The following FLNC variants were observed in gnomAD, a reference collection of about 807,000 sequenced individuals.
FLNC encodes the protein filamin-C.
A neutral mutation model predicts 254.3 loss-of-function variants in FLNC; 91 were observed. The observed-to-expected ratio is 0.36, with a 90% CI of 0.30 to 0.43. The LOEUF (loss-of-function observed/expected upper bound fraction) is 0.43. Among genes scored for constraint, FLNC ranks in the 20% least tolerant of loss-of-function variants. The pLI, the probability that FLNC is intolerant of heterozygous loss-of-function variation, is 1.00. For missense variants in FLNC, 2,853 were observed against 3,802.6 expected, an observed-to-expected ratio of 0.75 and a Z score of 6.57; for synonymous variants, 1,430 against 1,577.2, an observed-to-expected ratio of 0.91 and a Z score of 2.21.
Position 128,842,997 on chromosome 7 carries a change from G to A in FLNC, c.2550+43G>A, listed in dbSNP as rs772186195. 1.2e-6 allele frequency: 2 copies of A among 1,603,944 alleles called. No homozygotes were observed. Among genetic ancestry groups the A allele is most frequent in the Non-Finnish European group, 1.7e-6 (2 of 1,171,700 alleles). On this transcript the variant is annotated intron_variant, in intron 16 of 47. Coordinates refer to ENST00000325888, the MANE Select transcript of FLNC (RefSeq NM_001458.5). This position sits in a 1 kb window ranked among gnomAD's most constrained non-coding sequence, Gnocchi z 5.4. ...TACTCACAGCGACATGCACCTGCCA[G>A]CTCCAGAAGGCAGCTGGAGATGCTG... is the stretch of plus-strand genomic sequence containing the variant.
At chr7:128,852,483 C>G in intron 35 of FLNC, 108 bp from the exon 36 acceptor site, 1 of 1,309,038 alleles carries the variant, frequency 7.6e-7, no homozygotes, top group Non-Finnish European at 1.1e-6. Context: ...GGAGTGGCCC[C>G]CCGTGTCTGT....
Position 128,830,976 on chromosome 7 carries a change from G to A in FLNC, c.339G>A (p.Lys113=). The change falls in exon 1 of 48, where the codon AAG becomes AAA. Residue 113 remains lysine (K), a synonymous_variant. Transcript: ENST00000325888. The stretch of plus-strand genomic sequence containing the variant: ...AGTTCCTCGAGCGCGAGCACATCAA[G>A]CTCGTGTCCATAGGTCAGTGCCGGG... The part of the protein sequence containing the change: ...ALEFLEREHI[K]LVSIDSKAIV... 6.2e-7 allele frequency: 1 copy of A among 1,608,312 alleles called. No homozygotes were observed. Among genetic ancestry groups the A allele is most frequent in the Non-Finnish European group, 8.5e-7 (1 of 1,179,934 alleles).
Position 128,841,766 on chromosome 7 carries a change from G to A in FLNC, c.2121+199G>A, listed in dbSNP as rs571913300. Among the ~76,000 whole-genome samples, 2 of 152,228 alleles carry A rather than the reference G, an allele frequency of 1.3e-5. No homozygotes were observed. Among genetic ancestry groups the A allele is most frequent in the Non-Finnish European group, 2.9e-5 (2 of 68,038 alleles). ...TTCTTAACGATGATAACCTAAAAAC[G>A]TATTTTACCAAAGAGTCATTTTTGT... On this transcript the variant is annotated intron_variant, in intron 13 of 47. Coordinates refer to ENST00000325888, the MANE Select transcript of FLNC (RefSeq NM_001458.5). The surrounding 1 kb of genome is among the most constrained non-coding windows in gnomAD (Gnocchi z 4.3).
intron 1 of FLNC, 83 bp downstream of exon 1, chr7:128,831,072 C>T (rs1044561086): frequency 1.6e-5 from 22 of 1,353,452 alleles, no homozygotes; most frequent in Non-Finnish European, 2.0e-5. Flanking sequence ...GGTGGGCGCG[C>T]GGGGAGCTGA....
At chr7:128,848,182 C>A in intron 26 of FLNC, 114 bp downstream of exon 26, 3 of 1,328,582 alleles carry the variant, frequency 2.3e-6, no homozygotes, top group Non-Finnish European at 3.2e-6. Context: ...CAGCTCTCAG[C>A]CTCGTCCAGT....
chr7:128,833,169 C>T (rs1012848505), intron 1 of FLNC, among the ~76,000 whole-genome samples: 9 of 152,186 alleles, frequency 5.9e-5, no homozygotes, highest in African/African-American at 4.8e-5. Context: ...TCGTTCCCTC[C>T]GAACAAAGAG....
rs189904241 is a variant in FLNC, at chr7:128,831,260, C to T, written c.352+271C>T. On this transcript the variant is annotated intron_variant, in intron 1 of 47. Transcript: ENST00000325888. The stretch of plus-strand genomic sequence containing the variant: ...GCGAGCCCTCCAGCTGCCGCCTCCC[C>T]ATGCACATTCCCACCTCCCGCCTCG... Among the ~76,000 whole-genome samples the T allele has an allele frequency of 3.3e-5, 5 of 152,338 alleles. No homozygotes were observed. The East Asian group carries it at 9.6e-4, about 29-fold the overall frequency.
At chr7:128,850,357 C>G (rs767188363) in intron 31 of FLNC, 27 bp from the exon 32 acceptor site, 2 of 1,585,162 alleles carry the variant, frequency 1.3e-6, no homozygotes, top group African/African-American at 2.7e-5. Context: ...TCCCCAGTCA[C>G]TGACTGTTCC....
At chr7:128,831,968 C>T (rs1168746812) in intron 1 of FLNC, among the ~76,000 whole-genome samples, 1 of 152,180 alleles carries the variant, frequency 6.6e-6, no homozygotes, top group Non-Finnish European at 1.5e-5. Flanking sequence ...CTTAAGAACC[C>T]TGCTGGGATT....
At chr7:128,832,562 T>TC (rs1807936394) in intron 1 of FLNC, among the ~76,000 whole-genome samples, 1 of 152,234 alleles carries the variant, frequency 6.6e-6, no homozygotes, top group South Asian at 2.1e-4. Context: ...CCAGGCCTCG[T>TC]CCTTCCTGAG....
At position 128,842,669 on chromosome 7, in the gene FLNC, T is replaced by A. The variant is rs760513917; in HGVS notation, c.2360T>A (p.Phe787Tyr). The change falls in exon 15 of 48, where the codon TTC becomes TAC. Residue 787 changes from phenylalanine to tyrosine, a missense_variant. Transcript: ENST00000325888. This position sits in a 1 kb window ranked among gnomAD's most constrained non-coding sequence, Gnocchi z 5.4. ...CTCAAGGCCAATGAGCCCACCTACTTCACGGTGGACTGCAGCGAGGCGGGG... is the reference window on the plus strand; with the variant it reads ...CTCAAGGCCAATGAGCCCACCTACTACACGGTGGACTGCAGCGAGGCGGGG... ...TGLKANEPTYFTVDCSEAGQG... is the reference protein window; with the variant it reads ...TGLKANEPTYYTVDCSEAGQG... 1.3e-6 allele frequency: 2 copies of A among 1,548,736 alleles called. No homozygotes were observed. The highest frequency in any genetic ancestry group is 4.8e-5 in the East Asian group (2 of 41,298).
At position 128,856,447 on chromosome 7, in the gene FLNC, G is replaced by A. The variant is rs1585171445; in HGVS notation, c.7252-71G>A. The A allele has an allele frequency of 6.3e-7, 1 of 1,587,042 alleles. No homozygotes were observed. The highest frequency in any genetic ancestry group is 1.1e-5 in the South Asian group (1 of 90,690). On this transcript the variant is annotated intron_variant, in intron 43 of 47. Transcript: ENST00000325888. This position sits in a 1 kb window ranked among gnomAD's most constrained non-coding sequence, Gnocchi z 5.9. ...GGGCTGGGCTTACAGTGAGCACCGT[G>A]TGGGGCTTCAGAGAAGACTGCTCCA...
intron 36 of FLNC, 27 bp downstream of exon 36, chr7:128,852,779 CA>C (rs1016202618): frequency 1.9e-6 from 3 of 1,613,478 alleles, no homozygotes; most frequent in Non-Finnish European, 2.5e-6. Context: ...ACGGGGACCT[CA>C]GGGGTGGGGG....
At position 128,845,186 on chromosome 7, in the gene FLNC, C is replaced by T. The variant is rs146953558; in HGVS notation, c.3721C>T (p.Arg1241Cys). 8.6e-3 allele frequency: 13,956 copies of T among 1,613,962 alleles called. 78 individuals are homozygous for T. The highest frequency in any genetic ancestry group is 0.01 in the Non-Finnish European group (12,321 of 1,180,046). The change falls in exon 21 of 48, where the codon CGT (arginine) becomes TGT (cysteine). Residue 1241 changes from arginine to cysteine, a missense_variant. By Grantham distance (180) the Arg-to-Cys change is radical. Transcript: ENST00000325888. ...GCATCCCGTGCCCAAATTCCCCACCCGTGTCCATGTGCAGCCTGCGGTCGA... is the reference window on the plus strand; with the variant it reads ...GCATCCCGTGCCCAAATTCCCCACCTGTGTCCATGTGCAGCCTGCGGTCGA... ...GGHPVPKFPTRVHVQPAVDTS... is the reference protein window; with the variant it reads ...GGHPVPKFPTCVHVQPAVDTS...
intron 37 of FLNC, 177 bp from the exon 38 acceptor site, chr7:128,853,292 A>T: frequency 1.3e-6 from 1 of 790,884 alleles, no homozygotes; most frequent in East Asian, 2.7e-5. Flanking sequence ...TACCTTAGGG[A>T]ATTTTCCAGA....
chr7:128,830,506 G>C lies in FLNC; in HGVS notation c.-132G>C. Reference sequence around the variant, plus strand: ...AGCCTCGCCGAGCCCCGCCAGCCCCGGCGCGAGAGAAGTTGGAGAGGAGAG... The same window carrying C: ...AGCCTCGCCGAGCCCCGCCAGCCCCCGCGCGAGAGAAGTTGGAGAGGAGAG... On this transcript the variant is annotated 5_prime_UTR_variant, in exon 1 of 48. Transcript: ENST00000325888. The C allele has an allele frequency of 1.3e-6, 1 of 767,070 alleles. No homozygotes were observed. Among genetic ancestry groups the C allele is most frequent in the Non-Finnish European group, 2.1e-6 (1 of 477,230 alleles). The allele number at this position is 767,070 out of a possible 1,614,324, so 47.5% of individuals were successfully genotyped here. A position where few individuals can be genotyped will look rare whatever the true frequency, so the allele number is the denominator to read the frequency against.
chr7:128,839,985 C>T (rs770120714), intron 8 of FLNC, 38 bp from the exon 9 acceptor site: 15 of 1,606,182 alleles, frequency 9.3e-6, no homozygotes, highest in Admixed American at 1.7e-5. Flanking sequence ...GTCCAAGGCC[C>T]CTCAGCACCC....
chr7:128,831,753 G>GTGGGAGGGAGGGAAAGGCCTC (rs1807902316), intron 1 of FLNC, among the ~76,000 whole-genome samples: 1 of 152,058 alleles, frequency 6.6e-6, no homozygotes, highest in African/African-American at 2.4e-5. Flanking sequence ...GGAAAGGCCT[G>GTGGGAGGGAGGGAAAGGCCTC]TGGAAGGGAG....
chr7:128,830,539 G>C lies in FLNC; in HGVS notation c.-99G>C. ...AGAAGTTGGAGAGGAGAGCAGCGCA[G>C]CGCAGCGAGTCCCGTGGTCGCGCCC... On this transcript the variant is annotated 5_prime_UTR_variant, in exon 1 of 48. Coordinates refer to ENST00000325888, the MANE Select transcript of FLNC (RefSeq NM_001458.5). 4.0e-6 allele frequency: 4 copies of C among 998,542 alleles called. No homozygotes were observed. The South Asian group carries it at 5.6e-5, about 14-fold the overall frequency. 61.9% of individuals were successfully genotyped at this position (998,542 alleles called of 1,614,324 possible). A position where few individuals can be genotyped will look rare whatever the true frequency, so the allele number is the denominator to read the frequency against.
Sources: gnomAD v4.1 joint callset for allele counts (sites outside exome capture counted in the v4.1 genomes callset) on GRCh38, gnomAD v4.1.1 for gene constraint, Gnocchi (gnomAD v3.1) non-coding constraint, MANE v1.5 for transcripts, NCBI Gene and HGNC (gene_info 2026-07-23, HGNC 2026-07-21) for gene names.